The following ASB18 variants were observed in gnomAD, a reference collection of about 807,000 sequenced individuals.
ASB18 encodes the protein ankyrin repeat and SOCS box containing 18.
In ASB18, 33 loss-of-function variants were observed where a neutral mutation model predicts 33.4. The observed-to-expected ratio is 0.99, with a 90% CI of 0.75 to 1.32. The LOEUF is 1.32. ASB18 is among the 40% of genes most tolerant of loss of function. The pLI, the probability that ASB18 is intolerant of heterozygous loss-of-function variation, is 0.00. For synonymous variants in ASB18, 295 were observed against 307.6 expected, an observed-to-expected ratio of 0.96 and a Z score of 0.43; for missense variants, 694 against 655.5, an observed-to-expected ratio of 1.06 and a Z score of -0.64.
intron 4 of ASB18, among the ~76,000 whole-genome samples, chr2:236,201,120 CTCCTTCCT>C (rs1033987056): frequency 2.6e-5 from 4 of 151,282 alleles, no homozygotes; most frequent in African/African-American, 7.3e-5. Context: ...CCCTCCTTCC[CTCCTTCCT>C]TCCTTCCCTC....
At chr2:236,242,694 G>A (rs2060626665) in intron 1 of ASB18, among the ~76,000 whole-genome samples, 1 of 151,234 alleles carries the variant, frequency 6.6e-6, no homozygotes, top group Non-Finnish European at 1.5e-5. Flanking sequence ...TCAAACTCTT[G>A]ATCTCAAGTG....
intron 1 of ASB18, among the ~76,000 whole-genome samples, chr2:236,254,998 T>A (rs2060685492): frequency 6.6e-6 from 1 of 152,154 alleles, no homozygotes; most frequent in South Asian, 2.1e-4. Context: ...TTTCTCCTGC[T>A]CCTGCCCTGT....
rs567367538 is a variant in ASB18 at position 236,253,473 on chromosome 2, C to T, written c.205+10668G>A. On this transcript the variant is annotated intron_variant, in intron 1 of 5. Transcript: ENST00000409749. This position sits in a 1 kb window ranked among gnomAD's most constrained non-coding sequence, Gnocchi z 5.4. Reference sequence around the variant, plus strand: ...GCTCACTGTAACCTGAACTCCTGGGCGCAAGCGATCCTTCCACCTCAGTCT... The same window carrying T: ...GCTCACTGTAACCTGAACTCCTGGGTGCAAGCGATCCTTCCACCTCAGTCT... Among the ~76,000 whole-genome samples, 64 of 152,186 alleles carry T rather than the reference C, an allele frequency of 4.2e-4. No homozygotes were observed. The highest frequency in any genetic ancestry group is 3.1e-4 in the Non-Finnish European group (21 of 68,014).
rs1474980900 is a variant in ASB18 at position 236,238,905 on chromosome 2, T to G, written c.329-949A>C. On this transcript the variant is annotated intron_variant, in intron 2 of 5. Transcript: ENST00000409749. The surrounding 1 kb of genome is among the most constrained non-coding windows in gnomAD (Gnocchi z 5.2). ...GCCACCTCCTTCCCAGGACCCATGC[T>G]GAGCAGCCTTGAAAGTCCATTCATT... 6.6e-6 allele frequency among the ~76,000 whole-genome samples: 1 copy of G among 152,170 alleles called. No homozygotes were observed. Among genetic ancestry groups the G allele is most frequent in the Admixed American group, 6.5e-5 (1 of 15,276 alleles).
chr2:236,228,218 T>C lies in ASB18; in HGVS notation c.596+9471A>G, dbSNP rs750624140. On this transcript the variant is annotated intron_variant, in intron 3 of 5. Coordinates refer to ENST00000409749, the MANE Select transcript of ASB18 (RefSeq NM_212556.4). This position sits in a 1 kb window ranked among gnomAD's most constrained non-coding sequence, Gnocchi z 5.1. ...AGTGGAGAATGCTTGTAGCCAAGGA[T>C]GGAAATGTGTCACAAGGTTGGAACT... Among the ~76,000 whole-genome samples, 1 of 152,154 alleles carries C rather than the reference T, an allele frequency of 6.6e-6. No homozygotes were observed. Among genetic ancestry groups the C allele is most frequent in the Non-Finnish European group, 1.5e-5 (1 of 68,022 alleles).
rs182571083 is a variant in ASB18 at position 236,246,427 on chromosome 2, A to G, written c.206-5025T>C. Among the ~76,000 whole-genome samples the G allele has an allele frequency of 8.1e-4, 120 of 147,486 alleles. 1 individual carries two copies. Among genetic ancestry groups the G allele is most frequent in the Non-Finnish European group, 1.4e-3 (93 of 67,080 alleles). On this transcript the variant is annotated intron_variant, in intron 1 of 5. Coordinates refer to ENST00000409749, the MANE Select transcript of ASB18 (RefSeq NM_212556.4). ...TGAGAACTCTTTAAAACTTTGTTTC[A>G]CATGTTTTTAAAGTTCATCTCCCTT...
At chr2:236,258,188 G>A in intron 1 of ASB18, among the ~76,000 whole-genome samples, 1 of 152,128 alleles carries the variant, frequency 6.6e-6, no homozygotes, top group Admixed American at 6.5e-5. Context: ...GCAGGGTGTG[G>A]CCCACACAGG....
At position 236,193,626 on chromosome 2, in the gene ASB18, G is replaced by A. The variant is rs1031380029; in HGVS notation, c.*1246C>T. Among the ~76,000 whole-genome samples the A allele has an allele frequency of 9.9e-5, 15 of 152,026 alleles. No individual in the cohort carries two copies. Among genetic ancestry groups the A allele is most frequent in the South Asian group, 2.1e-4 (1 of 4,818 alleles). ...AGCCTGACGAACATGGAGAAACCCC[G>A]TCTCTACTAAAAATAAAAAATTAGC... is the stretch of plus-strand genomic sequence containing the variant. On this transcript the variant is annotated 3_prime_UTR_variant, in exon 6 of 6. Coordinates refer to ENST00000409749, the MANE Select transcript of ASB18 (RefSeq NM_212556.4). This position sits in a 1 kb window ranked among gnomAD's most constrained non-coding sequence, Gnocchi z 5.0.
chr2:236,202,794 A>AATATATAT (rs35425799), intron 4 of ASB18, among the ~76,000 whole-genome samples: 1 of 117,686 alleles, frequency 8.5e-6, no homozygotes, highest in Non-Finnish European at 1.7e-5. Context: ...AAAAAAAAAA[A>AATATATAT]ATATATATAT....
At position 236,217,078 on chromosome 2, in the gene ASB18, A is replaced by G. The variant is rs962877797; in HGVS notation, c.597-2212T>C. Among the ~76,000 whole-genome samples the G allele has an allele frequency of 6.6e-6, 1 of 152,108 alleles. No homozygotes were observed. The highest frequency in any genetic ancestry group is 2.4e-5 in the African/African-American group (1 of 41,434). ...ACCTCTGTGTTGTCACATGTCTTGC[A>G]CTATGTGCCCAGGCACATTGGTCAC... On this transcript the variant is annotated intron_variant, in intron 3 of 5. Transcript: ENST00000409749. The surrounding 1 kb of genome is among the most constrained non-coding windows in gnomAD (Gnocchi z 5.2).
rs770638085 is a variant in ASB18, at chr2:236,245,370, T to C, written c.206-3968A>G. Reference sequence around the variant, plus strand: ...ACTGGGACTCACAGATTCAGTTACCTTTCTCAAGATTTCTGAATCCTGACA... The same window carrying C: ...ACTGGGACTCACAGATTCAGTTACCCTTCTCAAGATTTCTGAATCCTGACA... On this transcript the variant is annotated intron_variant, in intron 1 of 5. Coordinates refer to ENST00000409749, the MANE Select transcript of ASB18 (RefSeq NM_212556.4). The surrounding 1 kb of genome is among the most constrained non-coding windows in gnomAD (Gnocchi z 4.7). Among the ~76,000 whole-genome samples the C allele has an allele frequency of 1.2e-4, 18 of 152,218 alleles. No individual in the cohort carries two copies. Among genetic ancestry groups the C allele is most frequent in the Non-Finnish European group, 7.3e-5 (5 of 68,038 alleles).
At position 236,259,428 on chromosome 2, in the gene ASB18, T is replaced by C. The variant is rs557101720; in HGVS notation, c.205+4713A>G. ...TGGCATTCAGGTTTGAATTATCCAG[T>C]TGGTATATAAAAAGCAGCCTAGCAA... On this transcript the variant is annotated intron_variant, in intron 1 of 5. Transcript: ENST00000409749. The surrounding 1 kb of genome is among the most constrained non-coding windows in gnomAD (Gnocchi z 4.4). The C allele has an allele frequency of 2.8e-4, 126 of 445,400 alleles. No homozygotes were observed. The highest frequency in any genetic ancestry group is 2.0e-3 in the South Asian group (125 of 61,170). The allele number at this position is 445,400 out of a possible 1,614,324, so 27.6% of individuals were successfully genotyped here.
In ASB18 at chr2:236,238,330, C is replaced by A. The variant is rs1186689079; in HGVS notation, c.329-374G>T. 2.0e-5 allele frequency among the ~76,000 whole-genome samples: 3 copies of A among 152,088 alleles called. No individual in the cohort carries two copies. Among genetic ancestry groups the A allele is most frequent in the African/African-American group, 7.2e-5 (3 of 41,402 alleles). ...TAGGCGAATTTAAGTGAGGAATTCA[C>A]GTGTTCCAGGCCCTGAGTTAGGGCA... is the stretch of plus-strand genomic sequence containing the variant. On this transcript the variant is annotated intron_variant, in intron 2 of 5. Transcript: ENST00000409749. The surrounding 1 kb of genome is among the most constrained non-coding windows in gnomAD (Gnocchi z 5.2).
In ASB18 at chr2:236,208,762, CAGCT is replaced by C. The variant is rs1003349039; in HGVS notation, c.1101+5596_1101+5599del. 6.6e-6 allele frequency among the ~76,000 whole-genome samples: 1 copy of C among 152,206 alleles called. No homozygotes were observed. The highest frequency in any genetic ancestry group is 1.5e-5 in the Non-Finnish European group (1 of 68,042). On this transcript the variant is annotated intron_variant, in intron 4 of 5. Coordinates refer to ENST00000409749, the MANE Select transcript of ASB18 (RefSeq NM_212556.4). The surrounding 1 kb of genome is among the most constrained non-coding windows in gnomAD (Gnocchi z 7.7). ...ATCGTGCCCCCTCATGTTTGCCAGG[CAGCT>C]GGCTGCCTTCATTATTTTTACGCCA...
Position 236,226,364 on chromosome 2 carries a change from G to A in ASB18, c.596+11325C>T, listed in dbSNP as rs2060537898. Among the ~76,000 whole-genome samples the A allele has an allele frequency of 6.6e-6, 1 of 152,080 alleles. No individual in the cohort carries two copies. The highest frequency in any genetic ancestry group is 1.5e-5 in the Non-Finnish European group (1 of 68,028). On this transcript the variant is annotated intron_variant, in intron 3 of 5. Coordinates refer to ENST00000409749, the MANE Select transcript of ASB18 (RefSeq NM_212556.4). This position sits in a 1 kb window ranked among gnomAD's most constrained non-coding sequence, Gnocchi z 4.8. ...ATCTGGATTTAAATAAGTCAAGAGTGTCAAATTAAACAGCCAAAGGGAAAG... is the reference window on the plus strand; with the variant it reads ...ATCTGGATTTAAATAAGTCAAGAGTATCAAATTAAACAGCCAAAGGGAAAG...
At position 236,195,230 on chromosome 2, in the gene ASB18, CT is replaced by C. The variant is rs1385713154; in HGVS notation, c.1216-174del. On this transcript the variant is annotated intron_variant, in intron 5 of 5. Coordinates refer to ENST00000409749, the MANE Select transcript of ASB18 (RefSeq NM_212556.4). The surrounding 1 kb of genome is among the most constrained non-coding windows in gnomAD (Gnocchi z 5.5). ...TGGGAACCACCCTCTACCCCAGGGG[CT>C]TGTGTGCTCTCCCAAAGCACAGTTC... Among the ~76,000 whole-genome samples, 5 of 152,340 alleles carry C rather than the reference CT, an allele frequency of 3.3e-5. No homozygotes were observed. Among genetic ancestry groups the C allele is most frequent in the Admixed American group, 3.3e-4 (5 of 15,312 alleles).
In ASB18 at chr2:236,222,610, A is replaced by G. The variant is rs1530951; in HGVS notation, c.597-7744T>C. Among the ~76,000 whole-genome samples the G allele has an allele frequency of 0.21, 31,963 of 152,088 alleles. 4,186 individuals carry two copies. Among genetic ancestry groups the G allele is most frequent in the African/African-American group, 0.37 (15,330 of 41,478 alleles). On this transcript the variant is annotated intron_variant, in intron 3 of 5. Coordinates refer to ENST00000409749, the MANE Select transcript of ASB18 (RefSeq NM_212556.4). This position sits in a 1 kb window ranked among gnomAD's most constrained non-coding sequence, Gnocchi z 5.5. ...TGTAATCCCCAATGCTGGGGGCAGGATGGGGCCTGGTGGGAGGTGGTTGGT... is the reference window on the plus strand; with the variant it reads ...TGTAATCCCCAATGCTGGGGGCAGGGTGGGGCCTGGTGGGAGGTGGTTGGT...
rs764697943 is a variant in ASB18, at chr2:236,262,232, G to A, written c.205+1909C>T. Among the ~76,000 whole-genome samples, 7 of 152,246 alleles carry A rather than the reference G, an allele frequency of 4.6e-5. No individual in the cohort carries two copies. The highest frequency in any genetic ancestry group is 1.3e-4 in the Admixed American group (2 of 15,286). On this transcript the variant is annotated intron_variant, in intron 1 of 5. Transcript: ENST00000409749. The surrounding 1 kb of genome is among the most constrained non-coding windows in gnomAD (Gnocchi z 5.2). ...CAACCGGCTGGGACTGGTTTATGAA[G>A]GAAGAGCTGTTGAGAGGACGCTTGC...
Position 236,231,201 on chromosome 2 carries a change from A to G in ASB18, c.596+6488T>C, listed in dbSNP as rs963954934. The stretch of plus-strand genomic sequence containing the variant: ...CAGAAGATTGTAAATTCCATCTTGC[A>G]AGCAGATTGTCTCTATTGTCTTCTC... On this transcript the variant is annotated intron_variant, in intron 3 of 5. Transcript: ENST00000409749. The surrounding 1 kb of genome is among the most constrained non-coding windows in gnomAD (Gnocchi z 5.5). Among the ~76,000 whole-genome samples, 6 of 152,208 alleles carry G rather than the reference A, an allele frequency of 3.9e-5. No homozygotes were observed. Among genetic ancestry groups the G allele is most frequent in the Non-Finnish European group, 8.8e-5 (6 of 68,038 alleles).
Sources: gnomAD v4.1 joint callset for allele counts (sites outside exome capture counted in the v4.1 genomes callset) on GRCh38, gnomAD v4.1.1 for gene constraint, Gnocchi (gnomAD v3.1) non-coding constraint, MANE v1.5 for transcripts, NCBI Gene and HGNC (gene_info 2026-07-23, HGNC 2026-07-21) for gene names.